Variants in TIAM1 observed in about 807,000 individuals in gnomAD.
The protein encoded by TIAM1 is rho guanine nucleotide exchange factor TIAM1.
TIAM1 carries 65 observed loss-of-function variants against 163.5 expected under a neutral mutation model. That is an observed-to-expected ratio of 0.40 (90% CI 0.33 to 0.49). The LOEUF is 0.49. Ranked by LOEUF, TIAM1 falls within the 20% of genes least tolerant of loss-of-function variation. The probability of loss-of-function intolerance (pLI) is 0.77; values close to 1 mark genes in which losing one functional copy is unlikely to be tolerated. For synonymous variants in TIAM1, 833 were observed against 810.1 expected (o/e 1.03, Z -0.48); for missense variants, 1,789 against 2,044.7 (o/e 0.87, Z 2.41).
intron 1 of TIAM1, among the ~76,000 whole-genome samples, chr21:31,483,965 T>C (rs962092782): frequency 6.6e-6 from 1 of 152,174 alleles, no homozygotes; most frequent in African/African-American, 2.4e-5. Context: ...TTTCAAATCC[T>C]CACCTGAAAT....
At chr21:31,148,004 C>CAAAAA (rs34410316) in intron 19 of TIAM1, among the ~76,000 whole-genome samples, 18 of 63,794 alleles carry the variant, frequency 2.8e-4, no homozygotes, top group African/African-American at 7.6e-4. Flanking sequence ...TGTCCATGAC[C>CAAAAA]AAAAAAAAAA....
chr21:31,216,783 C>T (rs1269512162), intron 9 of TIAM1, among the ~76,000 whole-genome samples: 2 of 152,072 alleles, frequency 1.3e-5, no homozygotes, highest in South Asian at 2.1e-4. Flanking sequence ...CGAGCTCTCT[C>T]GGATTCCTGT....
chr21:31,188,212 G>A (rs1259103815), intron 13 of TIAM1, among the ~76,000 whole-genome samples: 3 of 152,058 alleles, frequency 2.0e-5, no homozygotes, highest in Non-Finnish European at 4.4e-5. Flanking sequence ...AATTGCCATC[G>A]CCCTCTCAAG....
At chr21:31,185,676 T>C (rs1360351625) in intron 14 of TIAM1, among the ~76,000 whole-genome samples, 1 of 147,458 alleles carries the variant, frequency 6.8e-6, no homozygotes, top group Non-Finnish European at 1.5e-5. Flanking sequence ...ATCATCATTA[T>C]AATTATATAA....
Position 31,223,493 on chromosome 21 carries a change from G to C in TIAM1, c.1908C>G (p.Pro636=). Residue 636 remains proline (P), a synonymous_variant, in exon 8 of 28, where the codon CCC becomes CCG. Transcript: ENST00000541036. ...GACTTGCAAAAGCGAGAAGCCTTTT[G>C]GGGTTTGGCAGCTCCCCACCCTGAA... ...ASLQGGELPN[P]KRLLAFASRP... is the part of the protein sequence containing the mutation. The C allele has an allele frequency of 6.2e-7, 1 of 1,613,966 alleles. No homozygotes were observed. Among genetic ancestry groups the C allele is most frequent in the Non-Finnish European group, 8.5e-7 (1 of 1,179,948 alleles).
At chr21:31,328,963 C>A (rs1039774821) in intron 2 of TIAM1, among the ~76,000 whole-genome samples, 3 of 152,102 alleles carry the variant, frequency 2.0e-5, no homozygotes, top group Admixed American at 2.0e-4. Context: ...TTTTTCTTGT[C>A]ATCATTCCCT....
chr21:31,526,167 C>A (rs2047778012), intron 1 of TIAM1, among the ~76,000 whole-genome samples: 1 of 152,306 alleles, frequency 6.6e-6, no homozygotes, highest in South Asian at 2.1e-4. Flanking sequence ...GTGCCACCCC[C>A]ATAGCAGCAC....
At chr21:31,403,390 G>A (rs1351399065) in intron 2 of TIAM1, among the ~76,000 whole-genome samples, 1 of 152,070 alleles carries the variant, frequency 6.6e-6, no homozygotes, top group African/African-American at 2.4e-5. Context: ...CTCGTGATCC[G>A]CCCGCCTAGG....
chr21:31,165,973 G>A (rs2084195062), intron 15 of TIAM1, among the ~76,000 whole-genome samples: 1 of 152,200 alleles, frequency 6.6e-6, no homozygotes, highest in South Asian at 2.1e-4. Flanking sequence ...CACCACAGTG[G>A]TTCTCTATAG....
At position 31,213,405 on chromosome 21, in the gene TIAM1, T is replaced by A; in HGVS notation, c.2210A>T (p.Asp737Val). The A allele has an allele frequency of 6.2e-7, 1 of 1,608,930 alleles. No individual in the cohort carries two copies. Among genetic ancestry groups the A allele is most frequent in the East Asian group, 2.2e-5 (1 of 44,814 alleles). The part of the protein sequence containing the change: ...LEGIFDDIVP[D>V]GKREKEVVLP... ...ACACACGTTTATTTTTACCTTGCCA[T>A]CTGGAACAATGTCATCAAATATTCC... Residue 737 changes from aspartate to valine, a missense_variant, in exon 10 of 28, where the codon GAT (aspartate) becomes GTT (valine). Physicochemically the swap from Asp to Val is radical, Grantham distance 152. Coordinates refer to ENST00000541036, the MANE Select transcript of TIAM1 (RefSeq NM_001353694.2).
chr21:31,546,478 A>G (rs918029787), intron 1 of TIAM1, among the ~76,000 whole-genome samples: 13 of 151,868 alleles, frequency 8.6e-5, no homozygotes, highest in African/African-American at 3.1e-4. Flanking sequence ...TGAAACCAGG[A>G]GGTGGAGGTT....
rs148235258 is a variant in TIAM1 at position 31,272,313 on chromosome 21, A to G, written c.-12+4419T>C. On this transcript the variant is annotated intron_variant, in intron 3 of 27. Transcript: ENST00000541036. ...AAAAAACACAAGTCAAACCACCCTAAGTTGGGGACTGTCTATACATAGTAA... is the reference window on the plus strand; with the variant it reads ...AAAAAACACAAGTCAAACCACCCTAGGTTGGGGACTGTCTATACATAGTAA... 6.9e-3 allele frequency among the ~76,000 whole-genome samples: 1,055 copies of G among 152,284 alleles called. 12 individuals carry two copies. Among genetic ancestry groups the G allele is most frequent in the African/African-American group, 0.024 (1,004 of 41,558 alleles).
At chr21:31,342,694 A>G (rs1350429096) in intron 1 of TIAM1, among the ~76,000 whole-genome samples, 1 of 152,236 alleles carries the variant, frequency 6.6e-6, no homozygotes, top group African/African-American at 2.4e-5. Flanking sequence ...TGTCAGCATC[A>G]ATTTCACATC....
intron 2 of TIAM1, among the ~76,000 whole-genome samples, chr21:31,425,235 G>A (rs946764024): frequency 2.0e-5 from 3 of 152,126 alleles, no homozygotes; most frequent in African/African-American, 7.2e-5. Context: ...GGAAAGGAAA[G>A]CAGGCTGCTT....
At chr21:31,168,717 T>C (rs1482179778) in intron 15 of TIAM1, among the ~76,000 whole-genome samples, 1 of 152,146 alleles carries the variant, frequency 6.6e-6, no homozygotes, top group East Asian at 1.9e-4. Context: ...ATTCTAATCA[T>C]AGGACTGACT....
At chr21:31,376,417 A>G (rs1240140542) in intron 2 of TIAM1, among the ~76,000 whole-genome samples, 3 of 152,032 alleles carry the variant, frequency 2.0e-5, no homozygotes, top group African/African-American at 7.2e-5. Flanking sequence ...CACCCTCTCC[A>G]TTTCATGTTT....
At chr21:31,540,805 T>C (rs1389808764) in intron 1 of TIAM1, among the ~76,000 whole-genome samples, 1 of 152,166 alleles carries the variant, frequency 6.6e-6, no homozygotes, top group Non-Finnish European at 1.5e-5. Flanking sequence ...CTTAAAACAA[T>C]GTTTAAAGTA....
chr21:31,545,008 G>A (rs890477543), intron 1 of TIAM1, among the ~76,000 whole-genome samples: 8 of 149,964 alleles, frequency 5.3e-5, no homozygotes, highest in African/African-American at 1.5e-4. Flanking sequence ...GTGAGACTCC[G>A]TCTCAAAAAA....
At chr21:31,255,779 G>A (rs185971016) in intron 4 of TIAM1, among the ~76,000 whole-genome samples, 2 of 152,328 alleles carry the variant, frequency 1.3e-5, no homozygotes, top group East Asian at 1.9e-4. Flanking sequence ...TGATCTAGCT[G>A]AGACTTCCAG....
Sources: allele counts gnomAD v4.1 joint callset (sites outside exome capture counted in the v4.1 genomes callset), GRCh38; gene constraint gnomAD v4.1.1; transcripts MANE v1.5; gene names NCBI Gene and HGNC (gene_info 2026-07-23, HGNC 2026-07-21).